EPB41L4A: variants seen among roughly 807,000 people sequenced by gnomAD.
The protein encoded by EPB41L4A is erythrocyte membrane protein band 4.1 like 4A, also known as band 4.1-like protein 4A.
A neutral mutation model predicts 108.6 loss-of-function variants in EPB41L4A; 100 were observed. The observed-to-expected ratio is 0.92, with a 90% CI of 0.78 to 1.09. The LOEUF (loss-of-function observed/expected upper bound fraction) is 1.09, where lower values mean the gene tolerates loss of function less well. EPB41L4A is among the 50% of genes least tolerant of loss of function. The pLI is 0.00. For missense variants in EPB41L4A, 1,030 were observed against 842.7 expected (o/e 1.22, Z -2.75); for synonymous variants, 319 against 289.0 (o/e 1.10, Z -1.05).
At chr5:112,315,026 C>A (rs1330605832) in intron 1 of EPB41L4A, among the ~76,000 whole-genome samples, 1 of 152,134 alleles carries the variant, frequency 6.6e-6, no homozygotes, top group African/African-American at 2.4e-5. Flanking sequence ...GGTAACACCC[C>A]AAATATCAGG....
chr5:112,325,002 A>G (rs1756052173), intron 1 of EPB41L4A, among the ~76,000 whole-genome samples: 1 of 152,220 alleles, frequency 6.6e-6, no homozygotes, highest in East Asian at 1.9e-4. Flanking sequence ...GGAAGAATCT[A>G]TTCTATGGAA....
chr5:112,165,829 AAAAT>A lies in EPB41L4A; in HGVS notation c.1933-715_1933-712del, dbSNP rs548363627. Among the ~76,000 whole-genome samples the A allele has an allele frequency of 3.5e-3, 533 of 152,328 alleles. 8 individuals carry two copies. Among genetic ancestry groups the A allele is most frequent in the Middle Eastern group, 6.8e-3 (2 of 294 alleles). On this transcript the variant is annotated intron_variant, in intron 22 of 22. Coordinates refer to ENST00000261486, the MANE Select transcript of EPB41L4A (RefSeq NM_022140.5). ...TCTATTTTGAGATTTGTTTGAGCTA[AAAAT>A]AAATAAATCCCTCTTAAAATGCAGC...
intron 1 of EPB41L4A, among the ~76,000 whole-genome samples, chr5:112,316,256 G>C (rs1369102933): frequency 6.6e-6 from 1 of 152,190 alleles, no homozygotes; most frequent in Non-Finnish European, 1.5e-5. Flanking sequence ...TATTACATCT[G>C]AGACAAACAG....
At chr5:112,348,601 C>A (rs180990577) in intron 1 of EPB41L4A, among the ~76,000 whole-genome samples, 1 of 152,038 alleles carries the variant, frequency 6.6e-6, no homozygotes, top group Non-Finnish European at 1.5e-5. Flanking sequence ...GGTGAGCTCA[C>A]GGCAAATCTG....
At chr5:112,165,256 T>G in intron 22 of EPB41L4A, 138 bp from the exon 23 acceptor site, 1 of 647,532 alleles carries the variant, frequency 1.5e-6, no homozygotes, top group South Asian at 2.1e-5. Context: ...CAAAAGCTAT[T>G]CAATAAATGT....
intron 1 of EPB41L4A, among the ~76,000 whole-genome samples, chr5:112,368,559 C>T (rs1338047542): frequency 1.3e-5 from 2 of 152,168 alleles, no homozygotes; most frequent in African/African-American, 2.4e-5. Context: ...AGCCTCTCTG[C>T]ATCTCTAATT....
intron 18 of EPB41L4A, among the ~76,000 whole-genome samples, chr5:112,173,066 A>G (rs1268165284): frequency 1.3e-5 from 2 of 152,184 alleles, no homozygotes; most frequent in African/African-American, 2.4e-5. Context: ...TTGGAAAACC[A>G]CTGATTAAGG....
At position 112,239,664 on chromosome 5, in the gene EPB41L4A, A is replaced by G. The variant is rs1421921685; in HGVS notation, c.961T>C (p.Tyr321His). ...KFGSIRYKHRYSGRTALQMSR... is the reference protein window; with the variant it reads ...KFGSIRYKHRHSGRTALQMSR... Reference sequence around the variant, plus strand: ...AAGGAAAAAAATGTCATTTACCTGTAGCGGTGCTTATAACGTATGGATCCA... The same window carrying G: ...AAGGAAAAAAATGTCATTTACCTGTGGCGGTGCTTATAACGTATGGATCCA... The change falls in exon 11 of 23, where the codon TAC (tyrosine) becomes CAC (histidine). Residue 321 changes from tyrosine (Y) to histidine (H), a missense_variant. Tyr to His is a moderately conservative substitution (Grantham distance 83). Coordinates refer to ENST00000261486, the MANE Select transcript of EPB41L4A (RefSeq NM_022140.5). 2 of 1,598,234 alleles carry G rather than the reference A, an allele frequency of 1.3e-6. No homozygotes were observed. Among genetic ancestry groups the G allele is most frequent in the Non-Finnish European group, 1.7e-6 (2 of 1,172,054 alleles).
At chr5:112,237,785 C>G (rs1298384553) in intron 11 of EPB41L4A, among the ~76,000 whole-genome samples, 1 of 152,158 alleles carries the variant, frequency 6.6e-6, no homozygotes, top group African/African-American at 2.4e-5. Flanking sequence ...TGCCTAACCT[C>G]TGGGCATCGT....
chr5:112,401,257 A>T (rs1761731412), intron 1 of EPB41L4A, among the ~76,000 whole-genome samples: 2 of 152,206 alleles, frequency 1.3e-5, no homozygotes, highest in African/African-American at 4.8e-5. Context: ...CTTGAAAACT[A>T]GCCACATCCA....
intron 12 of EPB41L4A, among the ~76,000 whole-genome samples, chr5:112,233,982 T>C (rs925505561): frequency 2.0e-5 from 3 of 151,714 alleles, no homozygotes; most frequent in Non-Finnish European, 1.5e-5. Context: ...GTATGAGCCA[T>C]TGTGCCCAGC....
At chr5:112,387,085 C>G (rs1580806343) in intron 1 of EPB41L4A, among the ~76,000 whole-genome samples, 1 of 152,190 alleles carries the variant, frequency 6.6e-6, no homozygotes, top group Admixed American at 6.5e-5. Context: ...CCTGCACACT[C>G]CCCGGCCTCT....
At chr5:112,203,851 G>C (rs1028620847) in intron 15 of EPB41L4A, among the ~76,000 whole-genome samples, 2 of 152,094 alleles carry the variant, frequency 1.3e-5, no homozygotes, top group African/African-American at 4.8e-5. Context: ...AGACCAGCCT[G>C]ACCAACATGG....
intron 1 of EPB41L4A, among the ~76,000 whole-genome samples, chr5:112,339,542 A>AT (rs60186031): frequency 2.4e-3 from 266 of 110,668 alleles, no homozygotes; most frequent in Admixed American, 4.0e-3. Flanking sequence ...ATATATATAT[A>AT]TTTTTTTTTT....
At chr5:112,417,646 G>A (rs712675) in intron 1 of EPB41L4A, among the ~76,000 whole-genome samples, 1 of 151,902 alleles carries the variant, frequency 6.6e-6, no homozygotes, top group African/African-American at 2.4e-5. Flanking sequence ...CACCCTCCCC[G>A]AAAAGAGTCT....
rs1183868103 is a variant in EPB41L4A, at chr5:112,266,314, G to A, written c.352C>T (p.Gln118Ter). ...EEITRYQFFL[Q>*]VKQDVLQGRL... ...CCCTGAAGGACATCTTGCTTCACCTGCAAGAAAAACTGATATCTAAAAGAG... is the reference window on the plus strand; with the variant it reads ...CCCTGAAGGACATCTTGCTTCACCTACAAGAAAAACTGATATCTAAAAGAG... The change falls in exon 5 of 23, where the codon CAG becomes TAG. Residue 118 changes from glutamine (Q) to a stop codon, truncating the protein, a stop_gained. Transcript: ENST00000261486. LOFTEE classifies it high-confidence loss of function. 2.5e-6 allele frequency: 4 copies of A among 1,602,132 alleles called. No homozygotes were observed. The highest frequency in any genetic ancestry group is 1.7e-6 in the Non-Finnish European group (2 of 1,174,354).
At chr5:112,280,965 C>T (rs1054671179) in intron 2 of EPB41L4A, among the ~76,000 whole-genome samples, 18 of 152,148 alleles carry the variant, frequency 1.2e-4, no homozygotes, top group Admixed American at 7.9e-4. Context: ...ATCAAATCGT[C>T]ATTAAGGATC....
chr5:112,178,163 G>T (rs930934607), intron 18 of EPB41L4A, among the ~76,000 whole-genome samples: 1 of 152,064 alleles, frequency 6.6e-6, no homozygotes, highest in Admixed American at 6.5e-5. Flanking sequence ...CAGTAAACAT[G>T]AAGAAGGTAT....
At chr5:112,222,917 G>C (rs555340715) in intron 12 of EPB41L4A, among the ~76,000 whole-genome samples, 56 of 151,214 alleles carry the variant, frequency 3.7e-4, no homozygotes, top group African/African-American at 1.3e-3. Context: ...GGCCAAGCAG[G>C]GCACCTGCTC....
Sources: gnomAD v4.1 joint callset for allele counts (sites outside exome capture counted in the v4.1 genomes callset) on GRCh38, gnomAD v4.1.1 for gene constraint, MANE v1.5 for transcripts, NCBI Gene and HGNC (gene_info 2026-07-23, HGNC 2026-07-21) for gene names.